Variants in MCC observed in about 807,000 individuals in gnomAD.
MCC encodes the protein colorectal mutant cancer protein.
A neutral mutation model predicts 116.2 loss-of-function variants in MCC; 90 were observed. The ratio of observed to expected loss-of-function variants is 0.77; its 90% CI spans 0.65 to 0.92. MCC has a LOEUF of 0.92. Ranked by LOEUF, MCC falls within the 40% of genes least tolerant of loss-of-function variation. MCC has a pLI of 0.00. For synonymous variants in MCC, 578 were observed against 510.5 expected, an observed-to-expected ratio of 1.13 and a Z score of -1.78; for missense variants, 1,516 against 1,312.2, an observed-to-expected ratio of 1.16 and a Z score of -2.40.
intron 15 of MCC, among the ~76,000 whole-genome samples, chr5:113,052,769 C>T (rs1215039836): frequency 6.6e-6 from 1 of 152,178 alleles, no homozygotes; most frequent in Non-Finnish European, 1.5e-5. Flanking sequence ...TAAACTCAAT[C>T]TCTGGCTCTC....
intron 17 of MCC, among the ~76,000 whole-genome samples, chr5:113,031,784 G>A (rs756837284): frequency 6.6e-6 from 1 of 152,092 alleles, no homozygotes; most frequent in Non-Finnish European, 1.5e-5. Context: ...GCCCTCAGGG[G>A]ACCAGAGGGA....
intron 1 of MCC, among the ~76,000 whole-genome samples, chr5:113,394,362 C>A (rs1209933478): frequency 1.3e-5 from 2 of 152,130 alleles, no homozygotes; most frequent in African/African-American, 4.8e-5. Flanking sequence ...CAACAGGCAG[C>A]CAACAAATTC....
intron 15 of MCC, among the ~76,000 whole-genome samples, chr5:113,052,868 G>C (rs1752577434): frequency 6.6e-6 from 1 of 152,152 alleles, no homozygotes; most frequent in African/African-American, 2.4e-5. Flanking sequence ...TTCTGAAGCT[G>C]TCTAGGGCCC....
At chr5:113,280,022 T>TG (rs1163125192) in intron 3 of MCC, among the ~76,000 whole-genome samples, 21 of 152,236 alleles carry the variant, frequency 1.4e-4, no homozygotes, top group African/African-American at 4.8e-4. Context: ...TTCCAGCTCC[T>TG]GGAGCTACTC....
chr5:113,339,438 T>TGCGC (rs1554077387), intron 3 of MCC, among the ~76,000 whole-genome samples: 3 of 149,554 alleles, frequency 2.0e-5, no homozygotes, highest in South Asian at 2.1e-4. Context: ...TGTGTGTGTG[T>TGCGC]GCGTGCATGT....
intron 12 of MCC, 23 bp from the exon 13 acceptor site, chr5:113,068,206 T>C (rs1274102279): frequency 6.3e-7 from 1 of 1,588,796 alleles, no homozygotes; most frequent in South Asian, 1.1e-5. Flanking sequence ...ACATGGGGCC[T>C]CAGCCCTTGC....
At chr5:113,428,296 C>A (rs1229421005) in intron 1 of MCC, among the ~76,000 whole-genome samples, 2 of 152,126 alleles carry the variant, frequency 1.3e-5, no homozygotes, top group Admixed American at 1.3e-4. Flanking sequence ...GACCCCTGCC[C>A]TCACCCTTAT....
At chr5:113,269,816 C>A (rs1300433889) in intron 3 of MCC, among the ~76,000 whole-genome samples, 1 of 152,220 alleles carries the variant, frequency 6.6e-6, no homozygotes, top group Non-Finnish European at 1.5e-5. Flanking sequence ...GAAAACCCCA[C>A]TGACAGACTG....
In MCC at chr5:113,082,083, A is replaced by G. The variant is rs112074188; in HGVS notation, c.1784+777T>C. ...TGGTTTCCATGGTTTTGCCCTGGTCATTCTCCTTTGCTTTGTTAGCAACTC... is the reference window on the plus strand; with the variant it reads ...TGGTTTCCATGGTTTTGCCCTGGTCGTTCTCCTTTGCTTTGTTAGCAACTC... On this transcript the variant is annotated intron_variant, in intron 11 of 18. Transcript: ENST00000408903. Among the ~76,000 whole-genome samples, 582 of 152,346 alleles carry G rather than the reference A, an allele frequency of 3.8e-3. 6 individuals are homozygous for G. The highest frequency in any genetic ancestry group is 0.013 in the African/African-American group (555 of 41,588).
chr5:113,477,361 C>T (rs1372159870), intron 1 of MCC, among the ~76,000 whole-genome samples: 2 of 152,118 alleles, frequency 1.3e-5, no homozygotes, highest in Non-Finnish European at 2.9e-5. Flanking sequence ...ATACTCAGTA[C>T]AAAGCGAAAG....
intron 1 of MCC, among the ~76,000 whole-genome samples, chr5:113,480,669 G>T (rs1432413286): frequency 6.6e-6 from 1 of 152,180 alleles, no homozygotes; most frequent in Non-Finnish European, 1.5e-5. Flanking sequence ...ATAGAAAATA[G>T]TTTGCTGCAT....
chr5:113,132,475 CACAT>C (rs1758522253), intron 5 of MCC, among the ~76,000 whole-genome samples: 2 of 139,110 alleles, frequency 1.4e-5, no homozygotes, highest in African/African-American at 5.6e-5. Flanking sequence ...CACACACACA[CACAT>C]ACATATATAT....
rs956644372 is a variant in MCC at position 113,486,831 on chromosome 5, G to A, written c.170+1414C>T. 1.0e-4 allele frequency among the ~76,000 whole-genome samples: 12 copies of A among 116,980 alleles called. No homozygotes were observed. The Admixed American group carries it at 1.2e-3, about 12-fold the overall frequency. 76.7% of individuals were successfully genotyped at this position (116,980 alleles called of 152,430 possible). ...TACTCCAGCCTGGGTGATAGAGCGA[G>A]ATTCTGTCTAAAAAAAAAAAAAATT... On this transcript the variant is annotated intron_variant, in intron 1 of 18. Transcript: ENST00000408903.
intron 16 of MCC, 48 bp from the exon 17 acceptor site, chr5:113,043,678 G>T: frequency 7.0e-7 from 1 of 1,420,388 alleles, no homozygotes; most frequent in East Asian, 2.3e-5. Flanking sequence ...CAAGCCGGCA[G>T]CACCCTGGAA....
Position 113,270,176 on chromosome 5 carries a change from G to A in MCC, c.627+70343C>T, listed in dbSNP as rs1324284805. ...TAGGAAAAATGTTTATGACTTATTC[G>A]AGACAAAGATTCCTTCTTTAGCATT... On this transcript the variant is annotated intron_variant, in intron 3 of 18. Transcript: ENST00000408903. 2.0e-5 allele frequency among the ~76,000 whole-genome samples: 3 copies of A among 152,108 alleles called. No individual in the cohort carries two copies. In the South Asian group the frequency reaches 6.2e-4, roughly 32 times the overall value.
At chr5:113,132,423 C>CATAT (rs68059886) in intron 5 of MCC, among the ~76,000 whole-genome samples, 9 of 130,182 alleles carry the variant, frequency 6.9e-5, no homozygotes, top group African/African-American at 2.2e-4. Flanking sequence ...TATATACACA[C>CATAT]ATACATATAT....
chr5:113,402,377 T>C lies in MCC; in HGVS notation c.171-17165A>G, dbSNP rs181526398. Reference sequence around the variant, plus strand: ...TCTTGCTATGATGGCCAGGCTGGTCTTGAACTCCTGGCCTCAAGTGATCCT... The same window carrying C: ...TCTTGCTATGATGGCCAGGCTGGTCCTGAACTCCTGGCCTCAAGTGATCCT... On this transcript the variant is annotated intron_variant, in intron 1 of 18. Transcript: ENST00000408903. 1.5e-3 allele frequency among the ~76,000 whole-genome samples: 226 copies of C among 151,784 alleles called. 1 individual carries two copies. The highest frequency in any genetic ancestry group is 5.2e-3 in the African/African-American group (214 of 41,388).
At chr5:113,100,748 G>T (rs1195628982) in intron 8 of MCC, among the ~76,000 whole-genome samples, 1 of 152,176 alleles carries the variant, frequency 6.6e-6, no homozygotes, top group Non-Finnish European at 1.5e-5. Flanking sequence ...TCGGATTACA[G>T]GCGTGAGCCA....
intron 1 of MCC, among the ~76,000 whole-genome samples, chr5:113,465,650 C>A (rs567610166): frequency 6.4e-4 from 97 of 152,086 alleles, no homozygotes; most frequent in African/African-American, 2.2e-3. Flanking sequence ...TATACGAAGA[C>A]CTCTTAGAAA....
Sources: allele counts gnomAD v4.1 joint callset (sites outside exome capture counted in the v4.1 genomes callset), GRCh38; gene constraint gnomAD v4.1.1; transcripts MANE v1.5; gene names NCBI Gene and HGNC (gene_info 2026-07-23, HGNC 2026-07-21).